The following CPNE6 variants were observed in gnomAD, a reference collection of about 807,000 sequenced individuals.
CPNE6 encodes copine 6, also known as copine-6.
CPNE6 carries 33 observed loss-of-function variants against 71.5 expected under a neutral mutation model. The observed-to-expected ratio is 0.46, with a 90% CI of 0.35 to 0.62. The LOEUF (loss-of-function observed/expected upper bound fraction) is 0.62, where lower values mean the gene tolerates loss of function less well. CPNE6 is among the 20% of genes least tolerant of loss of function. CPNE6 has a pLI of 0.00. For synonymous variants in CPNE6, 296 were observed against 293.0 expected (o/e 1.01, Z -0.10); for missense variants, 576 against 747.3 (o/e 0.77, Z 2.67).
At position 24,073,037 on chromosome 14, in the gene CPNE6, G is replaced by A. The variant is rs766145823; in HGVS notation, c.101G>A (p.Arg34Gln). Reference sequence around the variant, plus strand: ...GTGTCCTGCCATGGCCTCCTGGACCGGGACACACTCACCAAACCCCACCCC... The same window carrying A: ...GTGTCCTGCCATGGCCTCCTGGACCAGGACACACTCACCAAACCCCACCCC... Residue 34 changes from arginine to glutamine, a missense_variant, in exon 3 of 18, where the codon CGG (arginine) becomes CAG (glutamine). By Grantham distance (43) the Arg-to-Gln change is conservative (BLOSUM62 1). Around this residue, in one of 4 missense-constraint regions of CPNE6, gnomAD observed 89 missense variants for 80.4 expected, o/e 1.11. Coordinates refer to ENST00000397016, the Ensembl canonical transcript of CPNE6. This position sits in a 1 kb window ranked among gnomAD's most constrained non-coding sequence, Gnocchi z 5.5. The A allele has an allele frequency of 6.4e-6, 10 of 1,571,444 alleles. No individual in the cohort carries two copies. The Admixed American group carries it at 9.1e-5, about 14-fold the overall frequency.
chr14:24,076,992 C>A, exon 15 of CPNE6: 1 of 1,611,312 alleles, frequency 6.2e-7, no homozygotes, highest in Non-Finnish European at 8.5e-7. Context: ...CCAGCGGGAG[C>A]AGAGCACCGG....
In CPNE6 at chr14:24,074,426, A is replaced by G. The variant is rs562693549; in HGVS notation, c.498+61A>G. 2 of 1,567,228 alleles carry G rather than the reference A, an allele frequency of 1.3e-6. No homozygotes were observed. The highest frequency in any genetic ancestry group is 2.2e-5 in the East Asian group (1 of 44,508). ...GTCACTCCTAGGCCTCCCACTCAAG[A>G]CAGATCCCAGGAGCCCAGGCCTGCT... On this transcript the variant is annotated intron_variant, in intron 6 of 17. Coordinates refer to ENST00000397016, the Ensembl canonical transcript of CPNE6. This position sits in a 1 kb window ranked among gnomAD's most constrained non-coding sequence, Gnocchi z 4.5.
At chr14:24,072,704 C>T (rs780809369) in intron 2 of CPNE6, 67 of 402,654 alleles carry the variant, frequency 1.7e-4, no homozygotes, top group Non-Finnish European at 2.5e-4. Flanking sequence ...GCCCCATCCA[C>T]GCATACCTAG....
At position 24,073,244 on chromosome 14, in the gene CPNE6, GATGGT is replaced by G. The variant is rs2035958330; in HGVS notation, c.168+141_168+145del. On this transcript the variant is annotated intron_variant, in intron 3 of 17. Coordinates refer to ENST00000397016, the Ensembl canonical transcript of CPNE6. This position sits in a 1 kb window ranked among gnomAD's most constrained non-coding sequence, Gnocchi z 5.5. ...CTCGAGGCCGCTTGGGTACCCTGGA[GATGGT>G]GTCCCAGAGGGTCCTGAGATTGACC... is the stretch of plus-strand genomic sequence containing the variant. 9.7e-7 allele frequency: 1 copy of G among 1,029,772 alleles called. No homozygotes were observed. The highest frequency in any genetic ancestry group is 1.7e-5 in the African/African-American group (1 of 60,020). 63.8% of individuals were successfully genotyped at this position (1,029,772 alleles called of 1,614,324 possible).
chr14:24,071,525 A>T lies in CPNE6; in HGVS notation c.-119-2A>T. 3.4e-6 allele frequency: 1 copy of T among 296,806 alleles called. No individual in the cohort carries two copies. The highest frequency in any genetic ancestry group is 5.3e-5 in the South Asian group (1 of 19,008). 18.4% of individuals were successfully genotyped at this position (296,806 alleles called of 1,614,324 possible). The stretch of plus-strand genomic sequence containing the variant: ...CGCCCCCCCCCACCCCTCCCCATCC[A>T]GGCCCCATAAATAGCAGCAGAGCCG... On this transcript the variant is annotated splice_acceptor_variant, in intron 1 of 17. Coordinates refer to ENST00000397016, the Ensembl canonical transcript of CPNE6. LOFTEE classifies it low-confidence loss of function (5UTR_SPLICE).
In CPNE6 at chr14:24,073,138, T is replaced by C; in HGVS notation, c.168+34T>C. 1 of 1,425,018 alleles carries C rather than the reference T, an allele frequency of 7.0e-7. No homozygotes were observed. Among genetic ancestry groups the C allele is most frequent in the Non-Finnish European group, 9.2e-7 (1 of 1,089,660 alleles). 88.3% of individuals were successfully genotyped at this position (1,425,018 alleles called of 1,614,324 possible). On this transcript the variant is annotated intron_variant, in intron 3 of 17. Coordinates refer to ENST00000397016, the Ensembl canonical transcript of CPNE6. The surrounding 1 kb of genome is among the most constrained non-coding windows in gnomAD (Gnocchi z 5.5). ...AGCTCAGGTTTCTCCTTAACTAACC[T>C]GGGTTAAGCTTGGGAAAGAGGGAGG...
chr14:24,071,647 C>A lies in CPNE6; in HGVS notation c.-5+6C>A. On this transcript the variant is annotated splice_donor_region_variant and intron_variant, in intron 2 of 17. Coordinates refer to ENST00000397016, the Ensembl canonical transcript of CPNE6. ...GCCCCCGACCGAGAGCCCAGGTGAGCCCACCCTTCCTCCCCAGCCCAGCCC... is the reference window on the plus strand; with the variant it reads ...GCCCCCGACCGAGAGCCCAGGTGAGACCACCCTTCCTCCCCAGCCCAGCCC... The A allele has an allele frequency of 2.2e-6, 2 of 901,496 alleles. No individual in the cohort carries two copies. The highest frequency in any genetic ancestry group is 3.5e-6 in the Non-Finnish European group (2 of 568,566). The allele number at this position is 901,496 out of a possible 1,614,324, so 55.8% of individuals were successfully genotyped here. A position where few individuals can be genotyped will look rare whatever the true frequency, so the allele number is the denominator to read the frequency against.
Position 24,074,461 on chromosome 14 carries a change from G to A in CPNE6, c.499-70G>A, listed in dbSNP as rs151251357. ...GGAGCCCAGGCCTGCTCTCTTCCCAGTGGGAGCCCATCCCCCACCCTCCTT... is the reference window on the plus strand; with the variant it reads ...GGAGCCCAGGCCTGCTCTCTTCCCAATGGGAGCCCATCCCCCACCCTCCTT... On this transcript the variant is annotated intron_variant, in intron 6 of 17. Transcript: ENST00000397016. The surrounding 1 kb of genome is among the most constrained non-coding windows in gnomAD (Gnocchi z 4.5). 3.2e-6 allele frequency: 5 copies of A among 1,584,268 alleles called. No individual in the cohort carries two copies. The highest frequency in any genetic ancestry group is 1.7e-5 in the Admixed American group (1 of 59,694).
rs759667859 is a variant in CPNE6 at position 24,075,810 on chromosome 14, C to T, written c.865-17C>T. On this transcript the variant is annotated splice_polypyrimidine_tract_variant and intron_variant, in intron 10 of 17. Transcript: ENST00000397016. The surrounding 1 kb of genome is among the most constrained non-coding windows in gnomAD (Gnocchi z 4.3). ...GACCACCCCATCCCCTCGCCTTACCCCTCTCCCTACCTCCAGGTGGAGAAG... is the reference window on the plus strand; with the variant it reads ...GACCACCCCATCCCCTCGCCTTACCTCTCTCCCTACCTCCAGGTGGAGAAG... 4.4e-5 allele frequency: 71 copies of T among 1,613,210 alleles called. 3 individuals carry two copies. In the South Asian group the frequency reaches 7.1e-4, roughly 16 times the overall value.
Position 24,073,134 on chromosome 14 carries a change from A to G in CPNE6, c.168+30A>G. The G allele has an allele frequency of 1.4e-6, 2 of 1,428,818 alleles. No individual in the cohort carries two copies. The highest frequency in any genetic ancestry group is 1.8e-6 in the Non-Finnish European group (2 of 1,091,316). 88.5% of individuals were successfully genotyped at this position (1,428,818 alleles called of 1,614,324 possible). The stretch of plus-strand genomic sequence containing the variant: ...GAGCAGCTCAGGTTTCTCCTTAACT[A>G]ACCTGGGTTAAGCTTGGGAAAGAGG... On this transcript the variant is annotated intron_variant, in intron 3 of 17. Transcript: ENST00000397016. The surrounding 1 kb of genome is among the most constrained non-coding windows in gnomAD (Gnocchi z 5.5).
rs751188743 is a variant in CPNE6 at position 24,077,291 on chromosome 14, G to A, written c.1437G>A (p.Met479Ile). ...TGGGCAATGCTGACTTCTCTGACAT[G>A]CGGCTGCTGGATGGCGACGACGGCC... The change falls in exon 16 of 18, where the codon ATG (methionine) becomes ATA (isoleucine). Residue 479 changes from methionine (M) to isoleucine (I), a missense_variant. Physicochemically the swap from Met to Ile is conservative, Grantham distance 10. This residue lies in a region of CPNE6 where 264 missense variants were observed against 339.9 expected (regional missense o/e 0.78). Coordinates refer to ENST00000397016, the Ensembl canonical transcript of CPNE6. This position sits in a 1 kb window ranked among gnomAD's most constrained non-coding sequence, Gnocchi z 6.1. 6.2e-7 allele frequency: 1 copy of A among 1,613,874 alleles called. No individual in the cohort carries two copies. The highest frequency in any genetic ancestry group is 8.5e-7 in the Non-Finnish European group (1 of 1,180,022).
In CPNE6 at chr14:24,073,314, C is replaced by T; in HGVS notation, c.169-185C>T. On this transcript the variant is annotated intron_variant, in intron 3 of 17. Transcript: ENST00000397016. The surrounding 1 kb of genome is among the most constrained non-coding windows in gnomAD (Gnocchi z 5.5). ...TTGCTCCCAAAGGCCTCATGATAGC[C>T]CGGAGGACTGAGAGTCCAGTGGGCA... Among the ~76,000 whole-genome samples, 1 of 152,110 alleles carries T rather than the reference C, an allele frequency of 6.6e-6. No homozygotes were observed. The highest frequency in any genetic ancestry group is 1.9e-4 in the East Asian group (1 of 5,182).
rs939127477 is a variant in CPNE6 at position 24,075,988 on chromosome 14, T to A, written c.924+102T>A. 2 of 1,527,692 alleles carry A rather than the reference T, an allele frequency of 1.3e-6. No homozygotes were observed. The highest frequency in any genetic ancestry group is 1.8e-6 in the Non-Finnish European group (2 of 1,106,690). 94.6% of individuals were successfully genotyped at this position (1,527,692 alleles called of 1,614,324 possible). A position where few individuals can be genotyped will look rare whatever the true frequency, so the allele number is the denominator to read the frequency against. Reference sequence around the variant, plus strand: ...CCACTGCCCCAACTTGGGCTGCTCATGAGCCTTCGCATTGTCAGCTTATGC... The same window carrying A: ...CCACTGCCCCAACTTGGGCTGCTCAAGAGCCTTCGCATTGTCAGCTTATGC... On this transcript the variant is annotated intron_variant, in intron 11 of 17. Coordinates refer to ENST00000397016, the Ensembl canonical transcript of CPNE6. This position sits in a 1 kb window ranked among gnomAD's most constrained non-coding sequence, Gnocchi z 4.3.
intron 13 of CPNE6, 36 bp downstream of exon 12, chr14:24,076,450 G>T (rs760730296): frequency 2.5e-6 from 4 of 1,614,216 alleles, no homozygotes; most frequent in Non-Finnish European, 3.4e-6. Context: ...GAGATGGGGG[G>T]CGTGTCAGTC....
At position 24,076,274 on chromosome 14, in the gene CPNE6, C is replaced by T. The variant is rs527882010; in HGVS notation, c.1050C>T (p.Asp350=). The T allele has an allele frequency of 3.3e-5, 53 of 1,614,252 alleles. No homozygotes were observed. The East Asian group carries it at 9.4e-4, about 28-fold the overall frequency. ...GTGCAGTGGGAGGCATCTGCCAGGA[C>T]TATGACAGGTAGGAGAGAGTGGGGC... Residue 350 remains aspartate (D), a synonymous_variant, in exon 12 of 18, where the codon GAC becomes GAT. Coordinates refer to ENST00000397016, the Ensembl canonical transcript of CPNE6.
chr14:24,077,537 C>A lies in CPNE6; in HGVS notation c.1537-56C>A, dbSNP rs771936862. On this transcript the variant is annotated intron_variant, in intron 16 of 17. Transcript: ENST00000397016. The surrounding 1 kb of genome is among the most constrained non-coding windows in gnomAD (Gnocchi z 6.1). Reference sequence around the variant, plus strand: ...GAAGCCCCACTTCTCCCTCAGATGACCCTGCCTCCCCTACTCTTCCTCTCA... The same window carrying A: ...GAAGCCCCACTTCTCCCTCAGATGAACCTGCCTCCCCTACTCTTCCTCTCA... The A allele has an allele frequency of 3.1e-6, 5 of 1,589,370 alleles. No homozygotes were observed. In the East Asian group the frequency reaches 1.1e-4, roughly 36 times the overall value.
rs542253329 is a variant in CPNE6, at chr14:24,076,647, G to T, written c.1165+90G>T. On this transcript the variant is annotated intron_variant, in intron 14 of 17. Transcript: ENST00000397016. ...TCCACTCCCCAGGGCCCAGCTTCCT[G>T]TCCCTTCCACCCATCCCAGGCCTGT... 19 of 1,561,772 alleles carry T rather than the reference G, an allele frequency of 1.2e-5. No individual in the cohort carries two copies. In the African/African-American group the frequency reaches 2.6e-4, roughly 21 times the overall value.
At chr14:24,071,516 T>A in intron 1 of CPNE6, 46 bp from the exon 1 acceptor site, 7 of 334,324 alleles carry the variant, frequency 2.1e-5, no homozygotes, top group Non-Finnish European at 2.7e-5. Flanking sequence ...CCCCCACCCC[T>A]CCCCATCCAG....
Position 24,077,779 on chromosome 14 carries a change from G to C in CPNE6, c.*37+12G>C. On this transcript the variant is annotated intron_variant, in intron 17 of 17. Transcript: ENST00000397016. This position sits in a 1 kb window ranked among gnomAD's most constrained non-coding sequence, Gnocchi z 6.1. ...CCCTCAGCCTCTCAGTGAGTCCTGG[G>C]GCTTCCAAAGGAGTGGACACAGGGG... 1 of 1,485,018 alleles carries C rather than the reference G, an allele frequency of 6.7e-7. No homozygotes were observed. The highest frequency in any genetic ancestry group is 8.9e-7 in the Non-Finnish European group (1 of 1,119,532). The allele number at this position is 1,485,018 out of a possible 1,614,324, so 92.0% of individuals were successfully genotyped here. A position where few individuals can be genotyped will look rare whatever the true frequency, so the allele number is the denominator to read the frequency against.
Sources: allele counts gnomAD v4.1 joint callset (sites outside exome capture counted in the v4.1 genomes callset), GRCh38; gene constraint gnomAD v4.1.1; regional missense constraint gnomAD v4.1.1; non-coding constraint Gnocchi (gnomAD v3.1); transcripts MANE v1.5; gene names NCBI Gene and HGNC (gene_info 2026-07-23, HGNC 2026-07-21).